Variants in ENDOD1 observed in about 807,000 individuals in gnomAD.
ENDOD1 encodes endonuclease domain-containing 1 protein.
In ENDOD1, 9 loss-of-function variants were observed where a neutral mutation model predicts 6.5. The observed-to-expected ratio is 1.39, with a 90% CI of 0.84 to 2.43. ENDOD1 has a LOEUF of 2.43. ENDOD1 is among the 30% of genes most tolerant of loss of function. ENDOD1 has a pLI of 0.00. For synonymous variants in ENDOD1, 255 were observed against 255.2 expected, an observed-to-expected ratio of 1.00 and a Z score of 0.01; for missense variants, 648 against 635.5, an observed-to-expected ratio of 1.02 and a Z score of -0.21.
rs753828963 is a variant in ENDOD1 at position 95,129,474 on chromosome 11, C to T, written c.1398C>T (p.Leu466=). The stretch of plus-strand genomic sequence containing the variant: ...GCCTTGGTGGCACTGTCTCACTGCT[C>T]TTTGACACTGCTTTTGGTACCCTGG... ...ALGLGGTVSL[L]FDTAFGTLGG... Residue 466 remains leucine, a synonymous_variant, in exon 2 of 2, where the codon CTC becomes CTT. Transcript: ENST00000278505. The T allele has an allele frequency of 1.1e-5, 17 of 1,614,216 alleles. No individual in the cohort carries two copies. In the Admixed American group the frequency reaches 1.7e-4, roughly 16 times the overall value.
chr11:95,123,154 A>G (rs1312774806), intron 1 of ENDOD1, among the ~76,000 whole-genome samples: 1 of 151,416 alleles, frequency 6.6e-6, no homozygotes, highest in African/African-American at 2.4e-5. Flanking sequence ...AGGCCACTGC[A>G]CTGCAGCCTG....
chr11:95,091,553 C>T (rs1337126137), intron 1 of ENDOD1, among the ~76,000 whole-genome samples: 2 of 152,254 alleles, frequency 1.3e-5, no homozygotes, highest in Admixed American at 6.5e-5. Flanking sequence ...TGTTCCCCAC[C>T]TCTCATCTTG....
chr11:95,108,534 C>CACACAAAAAAAAA (rs1176686943), intron 1 of ENDOD1, among the ~76,000 whole-genome samples: 1 of 141,756 alleles, frequency 7.1e-6, no homozygotes, highest in African/African-American at 2.5e-5. Context: ...CACAGACACC[C>CACACAAAAAAAAA]AAAAAAAGAA....
intron 1 of ENDOD1, among the ~76,000 whole-genome samples, chr11:95,107,168 G>T (rs534755468): frequency 1.3e-3 from 201 of 150,880 alleles, no homozygotes; most frequent in African/African-American, 4.8e-3. Context: ...CTGGGGTTGG[G>T]TGGAGGGGAA....
chr11:95,129,428 T>G lies in ENDOD1; in HGVS notation c.1352T>G (p.Val451Gly). 2 of 1,614,108 alleles carry G rather than the reference T, an allele frequency of 1.2e-6. No homozygotes were observed. Among genetic ancestry groups the G allele is most frequent in the Non-Finnish European group, 1.7e-6 (2 of 1,180,058 alleles). Residue 451 changes from valine to glycine, a missense_variant, in exon 2 of 2, where the codon GTT becomes GGT. By Grantham distance (109) the Val-to-Gly change is moderately radical. Transcript: ENST00000278505. ...TACACCATGGGCGCTATTCCAATTG[T>G]TTGCAAGGACATTGCACTGGGCCTT... is the stretch of plus-strand genomic sequence containing the variant. ...PVYTMGAIPI[V>G]CKDIALGLGG...
In ENDOD1 at chr11:95,116,265, A is replaced by G. The variant is rs971565391; in HGVS notation, c.301-12112A>G. Among the ~76,000 whole-genome samples the G allele has an allele frequency of 1.3e-4, 20 of 152,198 alleles. No individual in the cohort carries two copies. In the South Asian group the frequency reaches 3.7e-3, roughly 28 times the overall value. ...TTGTCCATTTCTTCCAGATTTTCCAATTTATTGGCATACAGTTGCTCATAG... is the reference window on the plus strand; with the variant it reads ...TTGTCCATTTCTTCCAGATTTTCCAGTTTATTGGCATACAGTTGCTCATAG... On this transcript the variant is annotated intron_variant, in intron 1 of 1. Transcript: ENST00000278505.
At chr11:95,104,285 A>G (rs998926334) in intron 1 of ENDOD1, among the ~76,000 whole-genome samples, 2 of 152,068 alleles carry the variant, frequency 1.3e-5, no homozygotes, top group Non-Finnish European at 2.9e-5. Context: ...CGTCTCTACT[A>G]AAAATAGAAA....
At chr11:95,114,688 G>A in intron 1 of ENDOD1, among the ~76,000 whole-genome samples, 1 of 152,110 alleles carries the variant, frequency 6.6e-6, no homozygotes, top group African/African-American at 2.4e-5. Flanking sequence ...ACAGATTGGG[G>A]TCTGCTTTCA....
chr11:95,123,976 T>G (rs1034837413), intron 1 of ENDOD1, among the ~76,000 whole-genome samples: 2 of 152,102 alleles, frequency 1.3e-5, no homozygotes, highest in Non-Finnish European at 2.9e-5. Context: ...GGACCTCTCA[T>G]GATGATAAAC....
rs969282272 is a variant in ENDOD1, at chr11:95,130,323, T to TC, written c.*745dup. The TC allele has an allele frequency of 6.1e-5, 7 of 114,134 alleles. No individual in the cohort carries two copies. Among genetic ancestry groups the TC allele is most frequent in the Non-Finnish European group, 1.4e-4 (7 of 50,990 alleles). The allele number at this position is 114,134 out of a possible 1,614,324, so 7.1% of individuals were successfully genotyped here. A position where few individuals can be genotyped will look rare whatever the true frequency, so the allele number is the denominator to read the frequency against. On this transcript the variant is annotated 3_prime_UTR_variant, in exon 2 of 2. Coordinates refer to ENST00000278505, the MANE Select transcript of ENDOD1 (RefSeq NM_015036.3). ...TGAATTGAAGGGCAAAGTTTTCTTTTCTTTTTTTTTTGGGCCCCTTGAATG... is the reference window on the plus strand; with the variant it reads ...TGAATTGAAGGGCAAAGTTTTCTTTTCCTTTTTTTTTTGGGCCCCTTGAATG...
At chr11:95,097,849 G>A (rs1182062789) in intron 1 of ENDOD1, among the ~76,000 whole-genome samples, 1 of 152,164 alleles carries the variant, frequency 6.6e-6, no homozygotes, top group Non-Finnish European at 1.5e-5. Context: ...GAATGGAGTT[G>A]TCATGAATAA....
At chr11:95,095,708 A>G (rs187277236) in intron 1 of ENDOD1, among the ~76,000 whole-genome samples, 1 of 151,992 alleles carries the variant, frequency 6.6e-6, no homozygotes, top group Non-Finnish European at 1.5e-5. Flanking sequence ...CTCTATAACA[A>G]CTCTAGGTAT....
chr11:95,129,190 A>G lies in ENDOD1; in HGVS notation c.1114A>G (p.Ile372Val). ...TGTTACCAAGCAGGTGATTAATGGC[A>G]TAGAAAGTTGCCTTTACCGCCTGGG... ...WCVTKQVING[I>V]ESCLYRLGSA... is the part of the protein sequence containing the mutation. The change falls in exon 2 of 2, where the codon ATA becomes GTA. Residue 372 changes from isoleucine to valine, a missense_variant. Transcript: ENST00000278505. 1.9e-6 allele frequency: 3 copies of G among 1,614,158 alleles called. No individual in the cohort carries two copies. Among genetic ancestry groups the G allele is most frequent in the Non-Finnish European group, 1.7e-6 (2 of 1,180,038 alleles).
intron 1 of ENDOD1, among the ~76,000 whole-genome samples, chr11:95,106,157 A>G (rs1271663827): frequency 1.3e-5 from 2 of 152,182 alleles, no homozygotes; most frequent in Admixed American, 6.5e-5. Context: ...TCCCATCTAA[A>G]TCAATCAGCC....
chr11:95,129,491 G>T lies in ENDOD1; in HGVS notation c.1415G>T (p.Gly472Val), dbSNP rs758663286. The change falls in exon 2 of 2, where the codon GGT becomes GTT. Residue 472 changes from glycine (G) to valine (V), a missense_variant. Physicochemically the swap from Gly to Val is moderately radical, Grantham distance 109. Coordinates refer to ENST00000278505, the MANE Select transcript of ENDOD1 (RefSeq NM_015036.3). ...TCACTGCTCTTTGACACTGCTTTTG[G>T]TACCCTGGGTGGCCTATTTCAGGTG... ...TVSLLFDTAF[G>V]TLGGLFQVVF... The T allele has an allele frequency of 1.2e-6, 2 of 1,614,044 alleles. No homozygotes were observed. The highest frequency in any genetic ancestry group is 1.7e-6 in the Non-Finnish European group (2 of 1,180,048).
At chr11:95,102,864 A>G (rs552417191) in intron 1 of ENDOD1, among the ~76,000 whole-genome samples, 54 of 152,272 alleles carry the variant, frequency 3.5e-4, no homozygotes, top group African/African-American at 1.2e-3. Flanking sequence ...GAGAAAGGCT[A>G]TTTATTATGG....
chr11:95,114,971 A>G (rs782231374), intron 1 of ENDOD1, among the ~76,000 whole-genome samples: 1 of 152,136 alleles, frequency 6.6e-6, no homozygotes, highest in Non-Finnish European at 1.5e-5. Context: ...AGCTTTGGCT[A>G]TTCTGGGTCT....
chr11:95,124,962 G>A (rs763543393), intron 1 of ENDOD1, among the ~76,000 whole-genome samples: 5 of 152,072 alleles, frequency 3.3e-5, no homozygotes, highest in South Asian at 2.1e-4. Flanking sequence ...TGCCATGCAC[G>A]TTCTCTCTCA....
At chr11:95,118,543 C>T (rs1324519813) in intron 1 of ENDOD1, among the ~76,000 whole-genome samples, 1 of 152,188 alleles carries the variant, frequency 6.6e-6, no homozygotes, top group Non-Finnish European at 1.5e-5. Flanking sequence ...CATATTGGAG[C>T]TCCATTGTAT....
Sources: gnomAD v4.1 joint callset for allele counts (sites outside exome capture counted in the v4.1 genomes callset) on GRCh38, gnomAD v4.1.1 for gene constraint, MANE v1.5 for transcripts, NCBI Gene and HGNC (gene_info 2026-07-23, HGNC 2026-07-21) for gene names.